WDR17: variants seen among roughly 807,000 people sequenced by gnomAD.
WDR17 encodes WD repeat-containing protein 17.
A neutral mutation model predicts 161.7 loss-of-function variants in WDR17; 143 were observed. The ratio of observed to expected loss-of-function variants is 0.88; its 90% CI spans 0.77 to 1.02. WDR17 has a LOEUF of 1.02. Ranked by LOEUF, WDR17 falls within the 50% of genes least tolerant of loss-of-function variation. WDR17 has a pLI of 0.00. For missense variants in WDR17, 1,469 were observed against 1,520.9 expected, an observed-to-expected ratio of 0.97 and a Z score of 0.57; for synonymous variants, 517 against 515.6, an observed-to-expected ratio of 1.00 and a Z score of -0.04.
intron 28 of WDR17, among the ~76,000 whole-genome samples, chr4:176,178,095 G>A (rs775335597): frequency 3.2e-4 from 45 of 138,804 alleles, no homozygotes; most frequent in Non-Finnish European, 5.5e-4. Context: ...CTAATGTAAT[G>A]TGAAAAGTCA....
chr4:176,151,273 T>C (rs1258241602), intron 16 of WDR17, among the ~76,000 whole-genome samples: 1 of 152,182 alleles, frequency 6.6e-6, no homozygotes, highest in Non-Finnish European at 1.5e-5. Flanking sequence ...TTGTTTTTAC[T>C]AGAGGCCTGT....
At chr4:176,167,662 A>AAAAC (rs1554036565) in intron 22 of WDR17, among the ~76,000 whole-genome samples, 1 of 45,264 alleles carries the variant, frequency 2.2e-5, no homozygotes. Context: ...AAAAAAAAAA[A>AAAAC]AAAAAAAAAA....
chr4:176,115,251 A>G (rs1174462563), intron 2 of WDR17, among the ~76,000 whole-genome samples: 1 of 152,028 alleles, frequency 6.6e-6, no homozygotes, highest in Non-Finnish European at 1.5e-5. Context: ...AAGAAATAAG[A>G]AAAATTAGGC....
chr4:176,127,598 A>G (rs1001651471), intron 5 of WDR17, among the ~76,000 whole-genome samples: 3 of 152,150 alleles, frequency 2.0e-5, no homozygotes, highest in Non-Finnish European at 4.4e-5. Context: ...GCCCAGCCCA[A>G]TAGGCACGGA....
intron 3 of WDR17, among the ~76,000 whole-genome samples, chr4:176,118,834 G>T (rs1415933236): frequency 6.6e-6 from 1 of 151,812 alleles, no homozygotes; most frequent in Non-Finnish European, 1.5e-5. Context: ...GGTGGCGGGC[G>T]CCTGTAGTCC....
Position 176,180,352 on chromosome 4 carries a change from G to C in WDR17, c.*773G>C, listed in dbSNP as rs1236742172. The C allele has an allele frequency of 6.6e-6, 1 of 152,066 alleles. No individual in the cohort carries two copies. Among genetic ancestry groups the C allele is most frequent in the Admixed American group, 6.6e-5 (1 of 15,264 alleles). The allele number at this position is 152,066 out of a possible 1,614,324, so 9.4% of individuals were successfully genotyped here. A position where few individuals can be genotyped will look rare whatever the true frequency, so the allele number is the denominator to read the frequency against. ...TTCAGCATGCATGGATATTAGTTTT[G>C]ATTAATGTGTACAATAATTTACACA... On this transcript the variant is annotated 3_prime_UTR_variant, in exon 29 of 29. Coordinates refer to ENST00000508596, the MANE Select transcript of WDR17 (RefSeq NM_181265.4).
At chr4:176,112,533 C>A (rs1354538180) in intron 2 of WDR17, among the ~76,000 whole-genome samples, 1 of 152,178 alleles carries the variant, frequency 6.6e-6, no homozygotes, top group South Asian at 2.1e-4. Flanking sequence ...AAACCAATTA[C>A]ATTTTTCTAA....
At chr4:176,158,156 A>C (rs1748452828) in intron 18 of WDR17, among the ~76,000 whole-genome samples, 1 of 152,236 alleles carries the variant, frequency 6.6e-6, no homozygotes. Flanking sequence ...GATGTGATCA[A>C]TTCTTCATTT....
intron 28 of WDR17, among the ~76,000 whole-genome samples, chr4:176,178,654 T>C (rs1249760508): frequency 1.3e-5 from 2 of 152,166 alleles, no homozygotes; most frequent in South Asian, 2.1e-4. Context: ...TGGGTTATAA[T>C]TGTGAAATTT....
intron 26 of WDR17, among the ~76,000 whole-genome samples, 183 bp from the exon 27 acceptor site, chr4:176,176,875 G>A (rs1435209275): frequency 1.3e-5 from 2 of 152,138 alleles, no homozygotes; most frequent in Non-Finnish European, 2.9e-5. Flanking sequence ...CAGGGACTGT[G>A]CTAAATATAC....
chr4:176,174,543 A>G (rs1751185166), intron 25 of WDR17, 74 bp from the exon 26 acceptor site: 25 of 1,079,542 alleles, frequency 2.3e-5, no homozygotes, highest in Non-Finnish European at 3.1e-5. Flanking sequence ...TATAAAGTAC[A>G]TGAACTGTGT....
chr4:176,148,571 A>G (rs1259104126), intron 13 of WDR17, among the ~76,000 whole-genome samples: 1 of 152,206 alleles, frequency 6.6e-6, no homozygotes, highest in Non-Finnish European at 1.5e-5. Context: ...CTTTCTCCCC[A>G]CTGTCTGCAG....
chr4:176,146,061 T>A lies in WDR17; in HGVS notation c.1596T>A (p.Asp532Glu), dbSNP rs369314651. 1.2e-6 allele frequency: 2 copies of A among 1,613,966 alleles called. No individual in the cohort carries two copies. The highest frequency in any genetic ancestry group is 2.7e-5 in the African/African-American group (2 of 74,928). ...TTTATTATGTAGCCACCAGCTCAGA[T>A]CAACCATTGAAAGTATTTAGTGGGC... ...VRVYYVATSS[D>E]QPLKVFSGHT... Residue 532 changes from aspartate (D) to glutamate (E), a missense_variant, in exon 12 of 29, where the codon GAT becomes GAA. Physicochemically the swap from Asp to Glu is conservative, Grantham distance 45. Transcript: ENST00000508596.
intron 1 of WDR17, among the ~76,000 whole-genome samples, chr4:176,083,718 G>T (rs746687337): frequency 1.3e-5 from 2 of 152,060 alleles, no homozygotes; most frequent in Non-Finnish European, 2.9e-5. Flanking sequence ...GCTGGTCATG[G>T]GGTATGTATT....
chr4:176,143,444 A>G (rs1745619943), intron 11 of WDR17, among the ~76,000 whole-genome samples: 1 of 151,480 alleles, frequency 6.6e-6, no homozygotes, highest in South Asian at 2.1e-4. Context: ...CCAGAGGGTC[A>G]CTTGAGCTCA....
At chr4:176,174,566 T>C (rs369625290) in intron 25 of WDR17, 51 bp from the exon 26 acceptor site, 3 of 1,346,524 alleles carry the variant, frequency 2.2e-6, no homozygotes, top group African/African-American at 1.5e-5. Flanking sequence ...CAGAGTAATG[T>C]TCTATGCCTC....
At chr4:176,136,495 C>T (rs1406536832) in intron 8 of WDR17, among the ~76,000 whole-genome samples, 1 of 151,646 alleles carries the variant, frequency 6.6e-6, no homozygotes, top group Non-Finnish European at 1.5e-5. Context: ...TGACTTATAG[C>T]ATTCTTTCAC....
chr4:176,137,466 G>T, intron 8 of WDR17, 54 bp from the exon 9 acceptor site: 2 of 1,429,618 alleles, frequency 1.4e-6, no homozygotes, highest in African/African-American at 1.4e-5. Context: ...TTTTTTAAAA[G>T]AATTACATTT....
chr4:176,134,475 A>C (rs1579147128), intron 7 of WDR17, among the ~76,000 whole-genome samples: 3 of 151,684 alleles, frequency 2.0e-5, no homozygotes, highest in South Asian at 4.1e-4. Flanking sequence ...ATCTGCATAT[A>C]CCACTTTATA....
Sources: allele counts gnomAD v4.1 joint callset (sites outside exome capture counted in the v4.1 genomes callset), GRCh38; gene constraint gnomAD v4.1.1; transcripts MANE v1.5; gene names NCBI Gene and HGNC (gene_info 2026-07-23, HGNC 2026-07-21).